The following ERC2 variants were observed in gnomAD, a reference collection of about 807,000 sequenced individuals.
The protein encoded by ERC2 is ELKS/RAB6-interacting/CAST family member 2, also known as ERC protein 2.
ERC2 carries 42 observed loss-of-function variants against 114.8 expected under a neutral mutation model. That is an observed-to-expected ratio of 0.37 (90% CI 0.29 to 0.47). ERC2 has a LOEUF of 0.47. Ranked by LOEUF, ERC2 falls within the 20% of genes least tolerant of loss-of-function variation. The pLI is 0.99. For synonymous variants in ERC2, 454 were observed against 425.5 expected (o/e 1.07, Z -0.82); for missense variants, 939 against 1,150.7 (o/e 0.82, Z 2.66).
intron 17 of ERC2, among the ~76,000 whole-genome samples, chr3:55,643,509 C>G (rs929707588): frequency 6.6e-6 from 1 of 151,960 alleles, no homozygotes; most frequent in Non-Finnish European, 1.5e-5. Context: ...CATGCAAATT[C>G]CTTATTAGGG....
chr3:56,209,579 T>A (rs920024533), intron 3 of ERC2, among the ~76,000 whole-genome samples: 1 of 152,146 alleles, frequency 6.6e-6, no homozygotes, highest in African/African-American at 2.4e-5. Flanking sequence ...ATTCACTAAA[T>A]AAGTGGACCC....
chr3:56,139,338 A>G (rs2080711207), intron 6 of ERC2, among the ~76,000 whole-genome samples, 171 bp downstream of exon 6: 2 of 152,216 alleles, frequency 1.3e-5, no homozygotes, highest in African/African-American at 4.8e-5. Flanking sequence ...GCAGTGTTAC[A>G]CAATCTATAC....
At chr3:55,896,367 G>C (rs1379515456) in intron 13 of ERC2, among the ~76,000 whole-genome samples, 1 of 152,238 alleles carries the variant, frequency 6.6e-6, no homozygotes, top group Non-Finnish European at 1.5e-5. Context: ...GGGAAGCGCA[G>C]GTGGTGGCCC....
At chr3:56,090,139 C>T (rs557127646) in intron 6 of ERC2, among the ~76,000 whole-genome samples, 2 of 152,332 alleles carry the variant, frequency 1.3e-5, no homozygotes, top group East Asian at 3.9e-4. Context: ...CTTTCAAAAA[C>T]TCTTTCACGT....
chr3:56,169,820 AAAAC>A (rs1203951682), intron 4 of ERC2, among the ~76,000 whole-genome samples: 59 of 135,300 alleles, frequency 4.4e-4, no homozygotes, highest in Non-Finnish European at 7.5e-4. Flanking sequence ...AAAAAAAAAA[AAAAC>A]AAATGGCTTT....
intron 2 of ERC2, among the ~76,000 whole-genome samples, chr3:56,334,951 C>A (rs917252842): frequency 1.1e-4 from 16 of 152,240 alleles, no homozygotes; most frequent in African/African-American, 2.9e-4. Context: ...ACTACAGGCA[C>A]GTGCCACCAT....
At chr3:55,729,863 AAAT>A (rs1353579853) in intron 15 of ERC2, among the ~76,000 whole-genome samples, 1 of 145,954 alleles carries the variant, frequency 6.9e-6, no homozygotes, top group African/African-American at 2.7e-5. Context: ...AAAAAAAAAA[AAAT>A]TGTAAGCTAC....
intron 6 of ERC2, among the ~76,000 whole-genome samples, chr3:56,096,673 A>C (rs565792522): frequency 1.8e-4 from 27 of 152,316 alleles, no homozygotes; most frequent in African/African-American, 6.3e-4. Flanking sequence ...TATACATGTA[A>C]GGCGTTTATT....
chr3:55,531,386 G>C lies in ERC2; in HGVS notation c.*40-20110C>G, dbSNP rs140368154. On this transcript the variant is annotated intron_variant, in intron 17 of 17. Transcript: ENST00000288221. ...AAGCAGTAATTGGGAGTAACTTCTA[G>C]GAAAAGGAAGCTGATCCTTCCCCAT... Among the ~76,000 whole-genome samples, 24 of 152,260 alleles carry C rather than the reference G, an allele frequency of 1.6e-4. No individual in the cohort carries two copies. The East Asian group carries it at 4.1e-3, about 26-fold the overall frequency.
intron 17 of ERC2, among the ~76,000 whole-genome samples, chr3:55,575,126 T>C (rs899359604): frequency 4.6e-5 from 7 of 152,216 alleles, no homozygotes; most frequent in African/African-American, 1.7e-4. Flanking sequence ...GTGATTCTCA[T>C]GCCTCAGCTT....
chr3:55,947,269 A>T (rs1265720502), intron 13 of ERC2, among the ~76,000 whole-genome samples: 2 of 125,452 alleles, frequency 1.6e-5, no homozygotes, highest in African/African-American at 6.7e-5. Flanking sequence ...ACCCTCAACT[A>T]TATCCACACA....
chr3:55,730,585 C>T (rs369598130), intron 15 of ERC2, among the ~76,000 whole-genome samples: 1 of 152,252 alleles, frequency 6.6e-6, no homozygotes, highest in South Asian at 2.1e-4. Flanking sequence ...CAAAAGGCTA[C>T]CTGGGCTAGG....
intron 17 of ERC2, among the ~76,000 whole-genome samples, chr3:55,560,542 C>T (rs187467763): frequency 2.3e-3 from 347 of 152,216 alleles, no homozygotes; most frequent in Non-Finnish European, 4.4e-3. Context: ...CTGCAGCTGA[C>T]CCCACCAAGG....
intron 17 of ERC2, among the ~76,000 whole-genome samples, chr3:55,604,023 C>T (rs980755379): frequency 2.0e-5 from 3 of 152,198 alleles, no homozygotes; most frequent in Non-Finnish European, 4.4e-5. Flanking sequence ...CCCACTGTGC[C>T]TGCCAGGCTG....
In ERC2 at chr3:55,990,458, G is replaced by A. The variant is rs577031203; in HGVS notation, c.2255+1599C>T. Reference sequence around the variant, plus strand: ...ATTTTTTTTTCTTTTCTTAGAGAGAGGAATCTTGACCCCAGGCTGGAGTGC... The same window carrying A: ...ATTTTTTTTTCTTTTCTTAGAGAGAAGAATCTTGACCCCAGGCTGGAGTGC... On this transcript the variant is annotated intron_variant, in intron 11 of 17. Transcript: ENST00000288221. Among the ~76,000 whole-genome samples the A allele has an allele frequency of 1.7e-4, 26 of 152,070 alleles. No homozygotes were observed. The South Asian group carries it at 3.3e-3, about 19-fold the overall frequency.
chr3:56,449,266 G>A (rs528687014), intron 1 of ERC2, among the ~76,000 whole-genome samples: 1 of 152,100 alleles, frequency 6.6e-6, no homozygotes, highest in African/African-American at 2.4e-5. Context: ...AGACAACTCA[G>A]GGTCATTTAG....
intron 1 of ERC2, among the ~76,000 whole-genome samples, chr3:56,437,695 A>G (rs2062087093): frequency 6.6e-6 from 1 of 152,248 alleles, no homozygotes; most frequent in Non-Finnish European, 1.5e-5. Flanking sequence ...ACCATTTTGT[A>G]TCTAAGATTT....
intron 3 of ERC2, among the ~76,000 whole-genome samples, chr3:56,183,062 A>G (rs916796335): frequency 1.3e-5 from 2 of 152,206 alleles, no homozygotes; most frequent in Non-Finnish European, 1.5e-5. Context: ...AATAGAATTA[A>G]TAAGCCTAAA....
At position 55,508,472 on chromosome 3, in the gene ERC2, T is replaced by C. The variant is rs576037372; in HGVS notation, c.*2844A>G. 5 of 152,752 alleles carry C rather than the reference T, an allele frequency of 3.3e-5. No homozygotes were observed. The highest frequency in any genetic ancestry group is 9.6e-5 in the African/African-American group (4 of 41,568). The allele number at this position is 152,752 out of a possible 1,614,324, so 9.5% of individuals were successfully genotyped here. ...TGGCTAATACATGCCCACTGGTAGT[T>C]TCCAGGGTTCCTTAGTTTTATTTAT... On this transcript the variant is annotated 3_prime_UTR_variant, in exon 18 of 18. Coordinates refer to ENST00000288221, the MANE Select transcript of ERC2 (RefSeq NM_015576.3).
Sources: gnomAD v4.1 joint callset for allele counts (sites outside exome capture counted in the v4.1 genomes callset) on GRCh38, gnomAD v4.1.1 for gene constraint, MANE v1.5 for transcripts, NCBI Gene and HGNC (gene_info 2026-07-23, HGNC 2026-07-21) for gene names.